CSGALNACT1: variants seen among roughly 807,000 people sequenced by gnomAD.
CSGALNACT1 encodes chondroitin sulfate N-acetylgalactosaminyltransferase 1, also known as beta4GalNAcT-1.
In CSGALNACT1, 52 loss-of-function variants were observed where a neutral mutation model predicts 51.0. That is an observed-to-expected ratio of 1.02 (90% confidence interval 0.82 to 1.29). CSGALNACT1 has a LOEUF of 1.29. Among genes scored for constraint, CSGALNACT1 ranks in the 50% most tolerant of loss-of-function variants. The pLI, the probability that CSGALNACT1 is intolerant of heterozygous loss-of-function variation, is 0.00. For missense variants in CSGALNACT1, 935 were observed against 679.2 expected, an observed-to-expected ratio of 1.38 and a Z score of -4.19; for synonymous variants, 341 against 254.4, an observed-to-expected ratio of 1.34 and a Z score of -3.24.
At chr8:19,447,139 A>G (rs189839205) in intron 5 of CSGALNACT1, among the ~76,000 whole-genome samples, 369 of 152,294 alleles carry the variant, frequency 2.4e-3, no homozygotes, top group African/African-American at 8.5e-3. Flanking sequence ...AGGAGTTCCA[A>G]TGACCTGACA....
chr8:19,472,520 G>A (rs2068431825), intron 4 of CSGALNACT1, among the ~76,000 whole-genome samples: 1 of 152,192 alleles, frequency 6.6e-6, no homozygotes, highest in African/African-American at 2.4e-5. Flanking sequence ...AAAGAGGTAA[G>A]CCATTTACTC....
chr8:19,418,684 T>A, exon 8 of CSGALNACT1: 1 of 1,613,450 alleles, frequency 6.2e-7, no homozygotes, highest in Admixed American at 1.7e-5. Context: ...AGGGACTGCA[T>A]CATGGTGGCC....
At chr8:19,619,606 G>C (rs756900347) in intron 1 of CSGALNACT1, among the ~76,000 whole-genome samples, 3 of 152,162 alleles carry the variant, frequency 2.0e-5, no homozygotes, top group African/African-American at 7.2e-5. Context: ...TCTAGGCATA[G>C]AGTCAGGGCT....
chr8:19,592,622 T>C (rs1377400782), intron 2 of CSGALNACT1, among the ~76,000 whole-genome samples: 5 of 152,046 alleles, frequency 3.3e-5, no homozygotes, highest in Admixed American at 3.3e-4. Flanking sequence ...GATGTAGTGG[T>C]ACACACCTGC....
At chr8:19,467,627 T>C (rs1411053002) in intron 4 of CSGALNACT1, among the ~76,000 whole-genome samples, 1 of 146,276 alleles carries the variant, frequency 6.8e-6, no homozygotes, top group African/African-American at 2.6e-5. Context: ...ACCTGGTTAG[T>C]TTTTTTTTTT....
chr8:19,676,424 C>T (rs939882863), intron 1 of CSGALNACT1, among the ~76,000 whole-genome samples: 4 of 152,220 alleles, frequency 2.6e-5, no homozygotes, highest in Non-Finnish European at 5.9e-5. Context: ...ACCAGAATAT[C>T]TGAAATCCAA....
rs1563231202 is a variant in CSGALNACT1, at chr8:19,404,903, C to CT, written c.*876_*877insA. 43 of 454,362 alleles carry CT rather than the reference C, an allele frequency of 9.5e-5. No individual in the cohort carries two copies. The East Asian group carries it at 2.8e-3, about 29-fold the overall frequency. The allele number at this position is 454,362 out of a possible 1,614,324, so 28.1% of individuals were successfully genotyped here. On this transcript the variant is annotated 3_prime_UTR_variant, in exon 10 of 10. Coordinates refer to ENST00000454498, the Ensembl canonical transcript of CSGALNACT1. Reference sequence around the variant, plus strand: ...ATACTCTTCAGAGAAAGTATCTGTACGTCTGTATTAGTACAAACCATTCCT... The same window carrying CT: ...ATACTCTTCAGAGAAAGTATCTGTACTGTCTGTATTAGTACAAACCATTCCT...
chr8:19,548,728 C>T (rs748326037), intron 3 of CSGALNACT1, among the ~76,000 whole-genome samples: 4 of 152,198 alleles, frequency 2.6e-5, no homozygotes, highest in Admixed American at 6.5e-5. Flanking sequence ...TCCAACTTCC[C>T]TGAGTCCAAA....
At chr8:19,470,821 C>T (rs2067968482) in intron 4 of CSGALNACT1, among the ~76,000 whole-genome samples, 1 of 152,104 alleles carries the variant, frequency 6.6e-6, no homozygotes, top group African/African-American at 2.4e-5. Flanking sequence ...ATGCGCTGGA[C>T]GTGGTGGTTC....
At chr8:19,710,998 C>T (rs1270401897) in intron 1 of CSGALNACT1, among the ~76,000 whole-genome samples, 1 of 152,074 alleles carries the variant, frequency 6.6e-6, no homozygotes, top group Non-Finnish European at 1.5e-5. Context: ...GGAAGATTGG[C>T]CCTGTGGTTC....
chr8:19,416,199 C>T (rs1237786037), intron 8 of CSGALNACT1, among the ~76,000 whole-genome samples: 1 of 150,730 alleles, frequency 6.6e-6, no homozygotes. Context: ...ACTGCAACCT[C>T]TGCCTCCCGG....
At chr8:19,418,122 A>G (rs192368954) in intron 8 of CSGALNACT1, among the ~76,000 whole-genome samples, 1 of 152,124 alleles carries the variant, frequency 6.6e-6, no homozygotes, top group African/African-American at 2.4e-5. Context: ...CTACCCAAAC[A>G]CTGTGATGTG....
chr8:19,685,593 G>A (rs1237365723), upstream of CSGALNACT1, among the ~76,000 whole-genome samples: 3 of 152,248 alleles, frequency 2.0e-5, no homozygotes, highest in South Asian at 2.1e-4. Context: ...TAAAAGGAAC[G>A]GTTTCAAAGT....
chr8:19,526,637 T>C (rs1036350745), intron 3 of CSGALNACT1, among the ~76,000 whole-genome samples: 11 of 152,036 alleles, frequency 7.2e-5, no homozygotes, highest in Non-Finnish European at 1.5e-4. Flanking sequence ...AAATGCTTAT[T>C]TGACTGATAA....
At position 19,756,877 on chromosome 8, in the gene CSGALNACT1, C is replaced by A. The variant is rs1219712506; in HGVS notation, c.-297+973G>T. 2.6e-5 allele frequency among the ~76,000 whole-genome samples: 4 copies of A among 152,198 alleles called. No individual in the cohort carries two copies. The Middle Eastern group carries it at 0.014, about 518-fold the overall frequency. On this transcript the variant is annotated intron_variant, in intron 1 of 1. Coordinates refer to the CSGALNACT1 transcript ENST00000517494. ...GAAACGCTGGTGAAGCCAAACCGAC[C>A]CCGGGAGCGCAGCGGCCCCGGACCC...
chr8:19,533,001 C>T (rs1223254010), intron 3 of CSGALNACT1, among the ~76,000 whole-genome samples: 2 of 152,192 alleles, frequency 1.3e-5, no homozygotes, highest in African/African-American at 2.4e-5. Flanking sequence ...TTTTCCTTTC[C>T]TAATTCTGCT....
intron 1 of CSGALNACT1, among the ~76,000 whole-genome samples, chr8:19,677,853 G>A (rs533114630): frequency 8.5e-5 from 13 of 152,178 alleles, no homozygotes; most frequent in Non-Finnish European, 1.6e-4. Context: ...AATGTTAAAG[G>A]TCACAGATGA....
rs114102481 is a variant in CSGALNACT1, at chr8:19,529,218, G to C, written c.-296-23088C>G. 9.6e-3 allele frequency among the ~76,000 whole-genome samples: 1,465 copies of C among 152,262 alleles called. 29 individuals are homozygous for C. The highest frequency in any genetic ancestry group is 0.034 in the African/African-American group (1,400 of 41,546). On this transcript the variant is annotated intron_variant, in intron 3 of 9. Transcript: ENST00000454498. The stretch of plus-strand genomic sequence containing the variant: ...GAGTGCGAAAGAAGAGTGAATTAAA[G>C]ACAGAGTGGGAAGGAAATGGAGACA...
chr8:19,670,322 C>T (rs1355963688), intron 1 of CSGALNACT1, among the ~76,000 whole-genome samples: 5 of 152,092 alleles, frequency 3.3e-5, no homozygotes, highest in African/African-American at 1.2e-4. Flanking sequence ...ACATAAAATC[C>T]TCCTTCCCAA....
Sources: gnomAD v4.1 joint callset for allele counts (sites outside exome capture counted in the v4.1 genomes callset) on GRCh38, gnomAD v4.1.1 for gene constraint, MANE v1.5 for transcripts, NCBI Gene and HGNC (gene_info 2026-07-23, HGNC 2026-07-21) for gene names.